The following CPD variants were observed in gnomAD, a reference collection of about 807,000 sequenced individuals.
CPD encodes the protein carboxypeptidase D, also known as metallocarboxypeptidase D.
CPD carries 69 observed loss-of-function variants against 138.3 expected under a neutral mutation model. The ratio of observed to expected loss-of-function variants is 0.50; its 90% CI spans 0.41 to 0.61. The LOEUF (loss-of-function observed/expected upper bound fraction) is 0.61, where lower values mean the gene tolerates loss of function less well. Among genes scored for constraint, CPD ranks in the 20% least tolerant of loss-of-function variants. The pLI is 0.00. For synonymous variants in CPD, 651 were observed against 642.1 expected, an observed-to-expected ratio of 1.01 and a Z score of -0.21; for missense variants, 1,432 against 1,733.3, an observed-to-expected ratio of 0.83 and a Z score of 3.09.
At chr17:30,408,752 A>T (rs1376227482) in intron 2 of CPD, among the ~76,000 whole-genome samples, 1 of 152,186 alleles carries the variant, frequency 6.6e-6, no homozygotes, top group Non-Finnish European at 1.5e-5. Context: ...GCCATCTGCA[A>T]ACAGGGACAA....
At chr17:30,395,473 A>G (rs1911478660) in intron 2 of CPD, among the ~76,000 whole-genome samples, 1 of 152,120 alleles carries the variant, frequency 6.6e-6, no homozygotes, top group Admixed American at 6.5e-5. Context: ...CAATACTCCA[A>G]AACAGAATAT....
chr17:30,394,946 G>A (rs1405966927), intron 2 of CPD, among the ~76,000 whole-genome samples: 5 of 151,196 alleles, frequency 3.3e-5, no homozygotes. Flanking sequence ...TGAAAGAGGA[G>A]TGAAAACTGG....
chr17:30,392,544 A>G (rs1394005640), intron 2 of CPD, among the ~76,000 whole-genome samples: 1 of 152,164 alleles, frequency 6.6e-6, no homozygotes, highest in East Asian at 1.9e-4. Flanking sequence ...TTTACTATAC[A>G]TTCTGGTATT....
At chr17:30,445,549 A>T (rs2143475087) in intron 11 of CPD, 142 bp from the exon 12 acceptor site, 2 of 549,334 alleles carry the variant, frequency 3.6e-6, no homozygotes, top group East Asian at 5.8e-5. Context: ...ATAATAAATT[A>T]CTCAACGTTA....
chr17:30,395,351 GGT>G (rs1240427257), intron 2 of CPD, among the ~76,000 whole-genome samples: 1 of 151,808 alleles, frequency 6.6e-6, no homozygotes, highest in African/African-American at 2.4e-5. Context: ...AAGTGCTTTT[GGT>G]CTTACCTGAT....
At chr17:30,409,115 A>C (rs902267826) in intron 2 of CPD, among the ~76,000 whole-genome samples, 1 of 31,702 alleles carries the variant, frequency 3.2e-5, no homozygotes, top group South Asian at 1.7e-3. Context: ...TGAGATAATC[A>C]TGTGGTTTTT....
chr17:30,445,945 A>G lies in CPD; in HGVS notation c.2798A>G (p.Tyr933Cys). The G allele has an allele frequency of 6.2e-7, 1 of 1,613,996 alleles. No individual in the cohort carries two copies. The highest frequency in any genetic ancestry group is 8.5e-7 in the Non-Finnish European group (1 of 1,179,986). ...AATCTGGCTCTGGCTCTTTATCGAT[A>G]CCATTCCTACAAAGACTTATCAGAG... The part of the protein sequence containing the change: ...SSNLALALYR[Y>C]HSYKDLSEFL... Residue 933 changes from tyrosine to cysteine, a missense_variant, in exon 12 of 21, where the codon TAC becomes TGC. Tyr to Cys is a radical substitution (Grantham distance 194). This residue lies in a region of CPD where 124 missense variants were observed against 117.0 expected (regional missense o/e 1.06). Coordinates refer to ENST00000225719, the MANE Select transcript of CPD (RefSeq NM_001304.5).
At chr17:30,445,092 G>C (rs1319928854) in intron 11 of CPD, among the ~76,000 whole-genome samples, 2 of 152,104 alleles carry the variant, frequency 1.3e-5, no homozygotes, top group Admixed American at 6.6e-5. Context: ...CCTGATAGAA[G>C]ACAAGTGAAT....
intron 6 of CPD, among the ~76,000 whole-genome samples, chr17:30,425,010 T>G (rs1407217142): frequency 6.6e-6 from 1 of 152,154 alleles, no homozygotes; most frequent in Non-Finnish European, 1.5e-5. Context: ...TTCAGATTTT[T>G]CCCCCTAAGG....
In CPD at chr17:30,427,530, A is replaced by G. The variant is rs1268874563; in HGVS notation, c.1989A>G (p.Pro663=). 6 of 1,614,082 alleles carry G rather than the reference A, an allele frequency of 3.7e-6. No individual in the cohort carries two copies. The highest frequency in any genetic ancestry group is 4.2e-6 in the Non-Finnish European group (5 of 1,179,962). Residue 663 remains proline (P), a synonymous_variant, in exon 7 of 21, where the codon CCA becomes CCG. Transcript: ENST00000225719. ...TAATGAGCTGGATGAAGTCCTATCC[A>G]TTTGTACTTTCAGCAAACCTGCATG... The part of the protein sequence containing the change: ...IAVMSWMKSY[P]FVLSANLHGG...
intron 2 of CPD, among the ~76,000 whole-genome samples, chr17:30,416,760 A>G (rs983764519): frequency 1.3e-5 from 2 of 152,110 alleles, no homozygotes; most frequent in African/African-American, 4.8e-5. Context: ...TTTTATAACT[A>G]CCTAGTCTCT....
intron 11 of CPD, among the ~76,000 whole-genome samples, chr17:30,445,401 G>T (rs1365684425): frequency 1.3e-5 from 2 of 151,966 alleles, no homozygotes; most frequent in Non-Finnish European, 1.5e-5. Flanking sequence ...GGAGGCGGAG[G>T]TTGCAGTGAA....
intron 6 of CPD, 68 bp from the exon 7 acceptor site, chr17:30,427,323 G>A: frequency 7.0e-7 from 1 of 1,419,028 alleles, no homozygotes. Context: ...GGTATCTAAA[G>A]TAGTACGTGT....
At position 30,423,104 on chromosome 17, in the gene CPD, G is replaced by A. The variant is rs986289971; in HGVS notation, c.1657+81G>A. 4.6e-6 allele frequency: 5 copies of A among 1,088,488 alleles called. No homozygotes were observed. The African/African-American group carries it at 4.8e-5, about 10-fold the overall frequency. 67.4% of individuals were successfully genotyped at this position (1,088,488 alleles called of 1,614,324 possible). A position where few individuals can be genotyped will look rare whatever the true frequency, so the allele number is the denominator to read the frequency against. The stretch of plus-strand genomic sequence containing the variant: ...ATATTGCTATGTTTCATTCAGAAAG[G>A]TCGCCTACAGTTTGTATAACTGGCA... On this transcript the variant is annotated intron_variant, in intron 5 of 20. Transcript: ENST00000225719.
rs921701142 is a variant in CPD at position 30,466,178 on chromosome 17, A to G, written c.*1364A>G. 12 of 152,630 alleles carry G rather than the reference A, an allele frequency of 7.9e-5. No homozygotes were observed. Among genetic ancestry groups the G allele is most frequent in the African/African-American group, 2.9e-4 (12 of 41,460 alleles). The allele number at this position is 152,630 out of a possible 1,614,324, so 9.5% of individuals were successfully genotyped here. ...CTTTTTGTAAGTATGCATCTTACCA[A>G]TGATGTAACGGTTTAATACCTTTGA... On this transcript the variant is annotated 3_prime_UTR_variant, in exon 21 of 21. Coordinates refer to ENST00000225719, the MANE Select transcript of CPD (RefSeq NM_001304.5).
chr17:30,442,563 AT>A, intron 10 of CPD, 113 bp downstream of exon 10: 1 of 965,518 alleles, frequency 1.0e-6, no homozygotes, highest in Non-Finnish European at 1.5e-6. Context: ...ATTTCAATTC[AT>A]TTTAGTATAT....
chr17:30,458,521 G>GC (rs1808337574), intron 17 of CPD, among the ~76,000 whole-genome samples: 2 of 151,844 alleles, frequency 1.3e-5, no homozygotes, highest in East Asian at 1.9e-4. Flanking sequence ...GGGGTACATG[G>GC]CCCCCCTGCC....
chr17:30,423,662 C>A lies in CPD; in HGVS notation c.1814C>A (p.Ser605Tyr). 1 of 1,602,986 alleles carries A rather than the reference C, an allele frequency of 6.2e-7. No homozygotes were observed. The highest frequency in any genetic ancestry group is 8.5e-7 in the Non-Finnish European group (1 of 1,175,442). ...VHNTRIHLMP[S>Y]MNPDGYEKSQ... ...AACACTAGAATTCACCTTATGCCAT[C>A]CATGAATCCTGATGGGTATGAAAAG... Residue 605 changes from serine (S) to tyrosine (Y), a missense_variant, in exon 6 of 21, where the codon TCC (serine) becomes TAC (tyrosine). This residue lies in a region of CPD where 297 missense variants were observed against 405.3 expected (regional missense o/e 0.73). Coordinates refer to ENST00000225719, the MANE Select transcript of CPD (RefSeq NM_001304.5).
chr17:30,421,327 G>T (rs183339121), intron 3 of CPD, among the ~76,000 whole-genome samples: 1 of 152,156 alleles, frequency 6.6e-6, no homozygotes, highest in African/African-American at 2.4e-5. Flanking sequence ...ACCACTATAT[G>T]AACCATAGAC....
Sources: allele counts gnomAD v4.1 joint callset (sites outside exome capture counted in the v4.1 genomes callset), GRCh38; gene constraint gnomAD v4.1.1; regional missense constraint gnomAD v4.1.1; transcripts MANE v1.5; gene names NCBI Gene and HGNC (gene_info 2026-07-23, HGNC 2026-07-21).